Variants in COL4A3 observed in about 807,000 individuals in gnomAD.
COL4A3 encodes collagen alpha-3(IV) chain.
A neutral mutation model predicts 217.4 loss-of-function variants in COL4A3; 135 were observed. The observed-to-expected ratio is 0.62, with a 90% confidence interval of 0.54 to 0.72. The LOEUF (loss-of-function observed/expected upper bound fraction) is 0.72. Among genes scored for constraint, COL4A3 ranks in the 30% least tolerant of loss-of-function variants. COL4A3 has a pLI of 0.00. For synonymous variants in COL4A3, 690 were observed against 736.3 expected, an observed-to-expected ratio of 0.94 and a Z score of 1.02; for missense variants, 1,868 against 2,119.9, an observed-to-expected ratio of 0.88 and a Z score of 2.33.
At chr2:227,218,373 G>A (rs1405032623) in intron 1 of COL4A3, among the ~76,000 whole-genome samples, 1 of 152,088 alleles carries the variant, frequency 6.6e-6, no homozygotes, top group Non-Finnish European at 1.5e-5. Context: ...GGCTGAGGCA[G>A]GAGAATGGCG....
intron 1 of COL4A3, among the ~76,000 whole-genome samples, chr2:227,230,083 C>T (rs904750985): frequency 6.7e-6 from 1 of 149,950 alleles, no homozygotes; most frequent in Admixed American, 6.6e-5. Flanking sequence ...TCCCAAAGCT[C>T]CAGTTTGTAG....
intron 1 of COL4A3, among the ~76,000 whole-genome samples, chr2:227,234,221 T>G (rs1437939357): frequency 6.6e-6 from 1 of 151,606 alleles, no homozygotes; most frequent in Admixed American, 6.6e-5. Flanking sequence ...AGAGATGGAG[T>G]AGGTGGGACA....
At chr2:227,241,686 G>T (rs72977895) in intron 3 of COL4A3, among the ~76,000 whole-genome samples, 2 of 9,260 alleles carry the variant, frequency 2.2e-4, no homozygotes, top group Non-Finnish European at 9.6e-4. Context: ...AAATATATAC[G>T]TGTGTGTATA....
chr2:227,218,180 G>A (rs911758918), intron 1 of COL4A3, among the ~76,000 whole-genome samples: 1 of 150,772 alleles, frequency 6.6e-6, no homozygotes, highest in Admixed American at 6.6e-5. Flanking sequence ...AAAAAATGTC[G>A]TGTGGGCCGG....
intron 26 of COL4A3, among the ~76,000 whole-genome samples, chr2:227,275,001 C>T (rs1235457118): frequency 6.6e-6 from 1 of 152,200 alleles, no homozygotes; most frequent in East Asian, 1.9e-4. Context: ...AATAAAGTTT[C>T]TTGGAACACA....
intron 1 of COL4A3, among the ~76,000 whole-genome samples, chr2:227,188,656 A>T (rs6713223): frequency 0.024 from 3,649 of 152,314 alleles, 93 homozygotes; most frequent in Non-Finnish European, 0.034. Context: ...CCAAATCAAT[A>T]ACTTTCTGAA....
chr2:227,193,311 G>A (rs4278919), intron 1 of COL4A3, among the ~76,000 whole-genome samples: 7,169 of 152,232 alleles, frequency 0.047, 280 homozygotes, highest in Admixed American at 0.12. Flanking sequence ...ACAGCAAAAG[G>A]CCTACCTATG....
At chr2:227,257,985 CCTGGG>C (rs1375559046) in intron 18 of COL4A3, among the ~76,000 whole-genome samples, 6 of 152,206 alleles carry the variant, frequency 3.9e-5, no homozygotes, top group Non-Finnish European at 8.8e-5. Flanking sequence ...CCTCCCTCCA[CCTGGG>C]CCCGGGTTAT....
At chr2:227,309,418 G>T in intron 50 of COL4A3, 100 bp downstream of exon 50, 1 of 858,642 alleles carries the variant, frequency 1.2e-6, no homozygotes, top group Non-Finnish European at 1.9e-6. Flanking sequence ...GCTGCCTGCT[G>T]TCCGTGTGTG....
At chr2:227,284,144 C>CTG in intron 33 of COL4A3, 67 bp from the exon 34 acceptor site, 2 of 1,606,434 alleles carry the variant, frequency 1.2e-6, no homozygotes, top group Admixed American at 3.3e-5. Flanking sequence ...TAAGCACTGC[C>CTG]AACTTTTTAA....
chr2:227,247,442 C>T lies in COL4A3; in HGVS notation c.442-116C>T, dbSNP rs6737339. 5.8e-4 allele frequency: 538 copies of T among 924,062 alleles called. 1 individual carries two copies. In the African/African-American group the frequency reaches 7.1e-3, roughly 12 times the overall value. The allele number at this position is 924,062 out of a possible 1,614,324, so 57.2% of individuals were successfully genotyped here. A position where few individuals can be genotyped will look rare whatever the true frequency, so the allele number is the denominator to read the frequency against. ...AAGGGAAGACTTTGCTTTGTAAGGCCGTGGGAGGTGTACAGTGGGGAGAGG... is the reference window on the plus strand; with the variant it reads ...AAGGGAAGACTTTGCTTTGTAAGGCTGTGGGAGGTGTACAGTGGGGAGAGG... On this transcript the variant is annotated intron_variant, in intron 7 of 51. Transcript: ENST00000396578.
intron 39 of COL4A3, 51 bp from the exon 40 acceptor site, chr2:227,294,913 C>T (rs771926788): frequency 1.4e-6 from 2 of 1,414,326 alleles, no homozygotes; most frequent in South Asian, 2.3e-5. Flanking sequence ...AATAAATCCT[C>T]TTTTTGTATA....
Position 227,250,647 on chromosome 2 carries a change from AG to A in COL4A3, c.547-491del, listed in dbSNP as rs1260639308. On this transcript the variant is annotated intron_variant, in intron 9 of 51. Coordinates refer to ENST00000396578, the MANE Select transcript of COL4A3 (RefSeq NM_000091.5). This position sits in a 1 kb window ranked among gnomAD's most constrained non-coding sequence, Gnocchi z 4.1. ...TAAAAATAATGCACGAAAGCAGGAT[AG>A]GAAGTGTCTGGGTTGGAAGGTGGGT... Among the ~76,000 whole-genome samples, 1 of 152,220 alleles carries A rather than the reference AG, an allele frequency of 6.6e-6. No homozygotes were observed. The highest frequency in any genetic ancestry group is 1.5e-5 in the Non-Finnish European group (1 of 68,038).
chr2:227,270,788 G>T lies in COL4A3; in HGVS notation c.1594G>T (p.Gly532Cys), dbSNP rs779575469. ...PGFPGFPGAQ[G>C]DPGLKGEKGE... ...ACCCTAGGGTTTCCCAGGTGCCCAGGGTGACCCAGGACTTAAAGGAGAAAA... is the reference window on the plus strand; with the variant it reads ...ACCCTAGGGTTTCCCAGGTGCCCAGTGTGACCCAGGACTTAAAGGAGAAAA... The change falls in exon 25 of 52, where the codon GGT becomes TGT. Residue 532 changes from glycine (G) to cysteine (C), a missense_variant. Around this residue, in one of 2 missense-constraint regions of COL4A3, gnomAD observed 1,503 missense variants for 1,786.1 expected, o/e 0.84. Coordinates refer to ENST00000396578, the MANE Select transcript of COL4A3 (RefSeq NM_000091.5). The T allele has an allele frequency of 1.2e-6, 2 of 1,613,958 alleles. No homozygotes were observed. The highest frequency in any genetic ancestry group is 1.7e-6 in the Non-Finnish European group (2 of 1,180,016).
intron 41 of COL4A3, chr2:227,296,359 T>G: frequency 1.2e-5 from 3 of 244,496 alleles, no homozygotes; most frequent in Non-Finnish European, 2.0e-5. Context: ...CCATTTGGAA[T>G]GAGAACACTA....
intron 43 of COL4A3, among the ~76,000 whole-genome samples, chr2:227,299,111 A>C (rs1041836595): frequency 6.6e-6 from 1 of 152,086 alleles, no homozygotes; most frequent in African/African-American, 2.4e-5. Flanking sequence ...AAACCATCAG[A>C]TCGGCCGGGC....
At chr2:227,209,962 T>G (rs561306408) in intron 1 of COL4A3, among the ~76,000 whole-genome samples, 10 of 152,224 alleles carry the variant, frequency 6.6e-5, no homozygotes, top group Non-Finnish European at 1.5e-4. Context: ...ACTGGGTAAT[T>G]GGGATGTTAG....
At chr2:227,240,007 A>ATT in intron 2 of COL4A3, 136 bp from the exon 3 acceptor site, 1 of 863,332 alleles carries the variant, frequency 1.2e-6, no homozygotes, top group Non-Finnish European at 1.9e-6. Context: ...GCTAATTATG[A>ATT]TTTTTTTAAT....
intron 1 of COL4A3, among the ~76,000 whole-genome samples, chr2:227,196,739 C>T (rs1397765569): frequency 6.6e-6 from 1 of 152,190 alleles, no homozygotes; most frequent in Non-Finnish European, 1.5e-5. Context: ...CTGTTATGTA[C>T]TTTTGATCTG....
Sources: gnomAD v4.1 joint callset for allele counts (sites outside exome capture counted in the v4.1 genomes callset) on GRCh38, gnomAD v4.1.1 for gene constraint, gnomAD v4.1.1 regional missense constraint, Gnocchi (gnomAD v3.1) non-coding constraint, MANE v1.5 for transcripts, NCBI Gene and HGNC (gene_info 2026-07-23, HGNC 2026-07-21) for gene names.